The following ADAM20 variants were observed in gnomAD, a reference collection of about 807,000 sequenced individuals.
ADAM20 encodes the protein ADAM metallopeptidase domain 20, also known as disintegrin and metalloproteinase domain-containing protein 20.
For missense variants in ADAM20, 871 were observed against 883.2 expected (o/e 0.99, Z 0.18); for synonymous variants, 305 against 310.2 (o/e 0.98, Z 0.18).
At chr14:70,574,639 CA>C in the ADAM20 span, among the ~76,000 whole-genome samples, 1,676 of 126,448 alleles carry the variant, frequency 0.013, 30 homozygotes, top group African/African-American at 0.042. Context: ...GACTCCGTCT[CA>C]AAAAAAAAAA....
At chr14:70,560,202 T>C in the ADAM20 span, among the ~76,000 whole-genome samples, 34 of 152,200 alleles carry the variant, frequency 2.2e-4, no homozygotes, top group African/African-American at 8.2e-4. Flanking sequence ...TTGTCAATAT[T>C]TTAATGGCAA....
chr14:70,524,845 G>C lies in ADAM20; in HGVS notation c.-88C>G. ...CTGGTCTGGCTCCTCCCTCTGAGCT[G>C]TTCAGGGTGCATGGCTGACCTTTAG... is the stretch of plus-strand genomic sequence containing the variant. On this transcript the variant is annotated 5_prime_UTR_variant, in exon 2 of 2. Transcript: ENST00000256389. 1 of 1,613,186 alleles carries C rather than the reference G, an allele frequency of 6.2e-7. No homozygotes were observed. The highest frequency in any genetic ancestry group is 8.5e-7 in the Non-Finnish European group (1 of 1,179,900).
At chr14:70,526,651 T>A (rs995382065) in intron 1 of ADAM20, among the ~76,000 whole-genome samples, 1 of 152,166 alleles carries the variant, frequency 6.6e-6, no homozygotes, top group African/African-American at 2.4e-5. Context: ...GATAGGCCAG[T>A]CCTTGTCATC....
At chr14:70,561,219 C>T in the ADAM20 span, among the ~76,000 whole-genome samples, 1 of 152,198 alleles carries the variant, frequency 6.6e-6, no homozygotes, top group Non-Finnish European at 1.5e-5. Flanking sequence ...GGCATTTTGC[C>T]CCTGCCCTAG....
At chr14:70,555,844 CTT>C in the ADAM20 span, among the ~76,000 whole-genome samples, 2 of 152,332 alleles carry the variant, frequency 1.3e-5, no homozygotes, top group African/African-American at 4.8e-5. Context: ...TCAATTCCCT[CTT>C]GTTTTCACCA....
At chr14:70,547,355 C>T in the ADAM20 span, 1 of 152,746 alleles carries the variant, frequency 6.5e-6, no homozygotes, top group Non-Finnish European at 1.5e-5. Flanking sequence ...GTGAGCGACG[C>T]AGAAGACGGG....
chr14:70,577,089 C>A, the ADAM20 span, among the ~76,000 whole-genome samples: 1 of 152,164 alleles, frequency 6.6e-6, no homozygotes, highest in Non-Finnish European at 1.5e-5. Context: ...GTTTGGTATG[C>A]AAACTCTTTC....
chr14:70,536,461 GTC>G (rs1883834276), upstream of ADAM20, among the ~76,000 whole-genome samples: 1 of 33,940 alleles, frequency 2.9e-5, no homozygotes, highest in Non-Finnish European at 5.0e-5. Context: ...GCAAAACTCT[GTC>G]TCAAAAAAAA....
the ADAM20 span, chr14:70,556,105 C>T: frequency 6.6e-6 from 1 of 152,394 alleles, no homozygotes; most frequent in East Asian, 1.9e-4. Context: ...ACATGTGCAG[C>T]CGGAAGGCTG....
At chr14:70,539,068 C>T (rs1883893561), upstream of ADAM20, among the ~76,000 whole-genome samples, 1 of 152,066 alleles carries the variant, frequency 6.6e-6, no homozygotes, top group Non-Finnish European at 1.5e-5. Context: ...CCAGGTTGGA[C>T]TGCCAGAACG....
At position 70,524,544 on chromosome 14, in the gene ADAM20, A is replaced by T. The variant is rs767826634; in HGVS notation, c.214T>A (p.Tyr72Asn). 1 of 1,613,856 alleles carries T rather than the reference A, an allele frequency of 6.2e-7. No individual in the cohort carries two copies. Among genetic ancestry groups the T allele is most frequent in the African/African-American group, 1.3e-5 (1 of 74,904 alleles). The change falls in exon 2 of 2, where the codon TAC (tyrosine) becomes AAC (asparagine). Residue 72 changes from tyrosine (Y) to asparagine (N), a missense_variant. By Grantham distance (143) the Tyr-to-Asn change is moderately radical (BLOSUM62 -2). Transcript: ENST00000256389. ...TTATTTACCCTCATGTGGACAATGT[A>T]TCTCTGTCCCCCAAACCGCAGGCTA... The part of the protein sequence containing the change: ...SYSLRFGGQR[Y>N]IVHMRVNKLL...
At chr14:70,574,872 C>T in the ADAM20 span, among the ~76,000 whole-genome samples, 1 of 151,700 alleles carries the variant, frequency 6.6e-6, no homozygotes, top group Non-Finnish European at 1.5e-5. Flanking sequence ...TAAGAAAATC[C>T]TGCCATTTGC....
upstream of ADAM20, among the ~76,000 whole-genome samples, chr14:70,538,826 T>A (rs1883888638): frequency 6.6e-6 from 1 of 152,080 alleles, no homozygotes; most frequent in Non-Finnish European, 1.5e-5. Flanking sequence ...TGAGATGGAG[T>A]CTTGCTCTGT....
chr14:70,578,737 G>C, the ADAM20 span, among the ~76,000 whole-genome samples: 1 of 152,128 alleles, frequency 6.6e-6, no homozygotes. Flanking sequence ...ATGGGGGTTT[G>C]ATACAAGGGT....
Position 70,523,166 on chromosome 14 carries a change from TAGCAACTCTGAGATGC to T in ADAM20, c.1576_1591del (p.Ala526ThrfsTer17), listed in dbSNP as rs1268034016. The T allele has an allele frequency of 6.2e-7, 1 of 1,614,032 alleles. No individual in the cohort carries two copies. The highest frequency in any genetic ancestry group is 1.7e-5 in the Admixed American group (1 of 59,982). The stretch of plus-strand genomic sequence containing the variant: ...GTTTCCTTGGGTGTTGATTTCTTGG[TAGCAACTCTGAGATGC>T]ACTCCTTGCATCTTGGCCAAAAATC... On this transcript the variant is annotated frameshift_variant, in exon 2 of 2. Coordinates refer to ENST00000256389, the MANE Select transcript of ADAM20 (RefSeq NM_003814.5). LOFTEE classifies it low-confidence loss of function (END_TRUNC).
chr14:70,525,270 G>A (rs1038941126), intron 1 of ADAM20, among the ~76,000 whole-genome samples: 2 of 152,072 alleles, frequency 1.3e-5, no homozygotes, highest in Non-Finnish European at 2.9e-5. Context: ...CTGTAGTGCA[G>A]TGACACAATC....
the ADAM20 span, among the ~76,000 whole-genome samples, chr14:70,566,332 T>C: frequency 6.6e-6 from 1 of 152,180 alleles, no homozygotes; most frequent in East Asian, 1.9e-4. Flanking sequence ...TAGTTTTGTA[T>C]GTGAGCATAG....
At chr14:70,543,188 C>T in the ADAM20 span, among the ~76,000 whole-genome samples, 11 of 152,288 alleles carry the variant, frequency 7.2e-5, 1 homozygote, top group African/African-American at 2.6e-4. Flanking sequence ...CCCTACCTCA[C>T]CAAATACTTC....
chr14:70,567,197 G>A, the ADAM20 span, among the ~76,000 whole-genome samples: 1 of 152,180 alleles, frequency 6.6e-6, no homozygotes, highest in Non-Finnish European at 1.5e-5. Context: ...CAATACTGGT[G>A]TAGATACCTA....
Sources: allele counts gnomAD v4.1 joint callset (sites outside exome capture counted in the v4.1 genomes callset), GRCh38; gene constraint gnomAD v4.1.1; transcripts MANE v1.5; gene names NCBI Gene and HGNC (gene_info 2026-07-23, HGNC 2026-07-21).